The following ZNF385D variants were observed in gnomAD, a reference collection of about 807,000 sequenced individuals.
ZNF385D encodes zinc finger protein 385D.
Under a neutral mutation model 35.8 loss-of-function variants are expected in ZNF385D, and 15 were observed. That is an observed-to-expected ratio of 0.42 (90% CI 0.28 to 0.64). The LOEUF (loss-of-function observed/expected upper bound fraction) is 0.64. Ranked by LOEUF, ZNF385D falls within the 30% of genes least tolerant of loss-of-function variation. The pLI, the probability that ZNF385D is intolerant of heterozygous loss-of-function variation, is 0.23. For missense variants in ZNF385D, 474 were observed against 494.6 expected (o/e 0.96, Z 0.39); for synonymous variants, 212 against 186.8 (o/e 1.13, Z -1.10).
At chr3:22,351,011 C>T (rs556237685) in intron 2 of ZNF385D, among the ~76,000 whole-genome samples, 1 of 152,124 alleles carries the variant, frequency 6.6e-6, no homozygotes, top group African/African-American at 2.4e-5. Flanking sequence ...TCAATAGACC[C>T]GCTTCCCCTG....
intron 2 of ZNF385D, among the ~76,000 whole-genome samples, chr3:21,628,963 G>A (rs2065207386): frequency 6.6e-6 from 1 of 151,978 alleles, no homozygotes; most frequent in East Asian, 1.9e-4. Flanking sequence ...TTTTGCCTGG[G>A]AAATGACTAT....
At chr3:22,080,630 C>T (rs894563899) in intron 3 of ZNF385D, among the ~76,000 whole-genome samples, 8 of 151,462 alleles carry the variant, frequency 5.3e-5, no homozygotes, top group African/African-American at 1.5e-4. Context: ...TTTCCGTATC[C>T]ATTTTATATA....
chr3:21,467,703 C>T (rs968518951), intron 4 of ZNF385D, among the ~76,000 whole-genome samples: 21 of 152,232 alleles, frequency 1.4e-4, no homozygotes, highest in African/African-American at 3.6e-4. Flanking sequence ...TGACCATGTG[C>T]GGTTCATTTG....
At chr3:22,116,988 ATTAGGAAAATAGC>A (rs1312378336) in intron 3 of ZNF385D, among the ~76,000 whole-genome samples, 2 of 152,008 alleles carry the variant, frequency 1.3e-5, no homozygotes, top group Non-Finnish European at 2.9e-5. Context: ...CTTTCAACAA[ATTAGGAAAATAGC>A]TTAGGAAAGT....
At chr3:21,654,937 G>A (rs2066029006) in intron 2 of ZNF385D, among the ~76,000 whole-genome samples, 1 of 152,006 alleles carries the variant, frequency 6.6e-6, no homozygotes, top group Admixed American at 6.6e-5. Context: ...TACGTTGGTG[G>A]GAGGGAGATG....
At chr3:22,340,890 GA>G (rs2125477954) in intron 2 of ZNF385D, among the ~76,000 whole-genome samples, 1 of 152,290 alleles carries the variant, frequency 6.6e-6, no homozygotes, top group South Asian at 2.1e-4. Flanking sequence ...TATCACAAGG[GA>G]ATTCTTTGCT....
chr3:22,163,340 G>A (rs140455037), intron 3 of ZNF385D, among the ~76,000 whole-genome samples: 73 of 152,158 alleles, frequency 4.8e-4, no homozygotes, highest in African/African-American at 1.5e-3. Flanking sequence ...AACGTACATC[G>A]CCGTCAGAAA....
chr3:21,719,488 A>C (rs1396265614), intron 1 of ZNF385D, among the ~76,000 whole-genome samples: 1 of 152,218 alleles, frequency 6.6e-6, no homozygotes, highest in Non-Finnish European at 1.5e-5. Context: ...TGGAGAGAGC[A>C]CGCGCACTTT....
chr3:21,461,824 T>A (rs1057332604), intron 4 of ZNF385D, among the ~76,000 whole-genome samples: 1 of 152,216 alleles, frequency 6.6e-6, no homozygotes, highest in Admixed American at 6.5e-5. Flanking sequence ...GCTTATTGGA[T>A]GGCTACAAAT....
intron 2 of ZNF385D, among the ~76,000 whole-genome samples, chr3:22,276,487 C>A (rs1186429093): frequency 6.6e-6 from 1 of 152,080 alleles, no homozygotes; most frequent in Admixed American, 6.6e-5. Flanking sequence ...AACTCTTTAG[C>A]CATAGAAGCT....
intron 3 of ZNF385D, chr3:21,562,240 T>C (rs1483895701): frequency 6.6e-6 from 1 of 152,222 alleles, no homozygotes; most frequent in Non-Finnish European, 1.5e-5. Context: ...TTGAAAAGTA[T>C]GTTCATATTC....
chr3:22,300,508 A>C (rs528905963), intron 2 of ZNF385D, among the ~76,000 whole-genome samples: 1 of 152,112 alleles, frequency 6.6e-6, no homozygotes, highest in South Asian at 2.1e-4. Context: ...GACAACCTAT[A>C]GATGACCACA....
chr3:22,295,270 T>C (rs1238066351), intron 2 of ZNF385D, among the ~76,000 whole-genome samples: 1 of 152,142 alleles, frequency 6.6e-6, no homozygotes, highest in Non-Finnish European at 1.5e-5. Flanking sequence ...TAGGACATAA[T>C]TTTTGCACAA....
At chr3:21,482,695 A>T (rs1014944318) in intron 4 of ZNF385D, among the ~76,000 whole-genome samples, 1 of 152,144 alleles carries the variant, frequency 6.6e-6, no homozygotes, top group Admixed American at 6.6e-5. Context: ...AGGTCAACCA[A>T]CTCAAATGTA....
At chr3:21,489,727 C>T (rs940958012) in intron 4 of ZNF385D, among the ~76,000 whole-genome samples, 1 of 152,122 alleles carries the variant, frequency 6.6e-6, no homozygotes, top group African/African-American at 2.4e-5. Flanking sequence ...TCTGCCCCAT[C>T]CTGTGCTACA....
chr3:21,613,228 C>A (rs895018215), intron 2 of ZNF385D, among the ~76,000 whole-genome samples: 1 of 151,962 alleles, frequency 6.6e-6, no homozygotes, highest in Middle Eastern at 3.4e-3. Context: ...TCATTAAAGT[C>A]AAGCTGAATG....
intron 3 of ZNF385D, among the ~76,000 whole-genome samples, chr3:21,541,995 G>C (rs1437247863): frequency 6.6e-6 from 1 of 152,116 alleles, no homozygotes; most frequent in Non-Finnish European, 1.5e-5. Flanking sequence ...CATCAGCGCT[G>C]GTGCACTCTG....
intron 3 of ZNF385D, among the ~76,000 whole-genome samples, chr3:21,839,842 T>G (rs1317015855): frequency 6.6e-6 from 1 of 152,026 alleles, no homozygotes; most frequent in Non-Finnish European, 1.5e-5. Flanking sequence ...TGGCCAGAAC[T>G]GATCTCCAGG....
intron 3 of ZNF385D, among the ~76,000 whole-genome samples, chr3:22,089,227 T>G (rs1701197699): frequency 6.6e-6 from 1 of 152,188 alleles, no homozygotes; most frequent in African/African-American, 2.4e-5. Context: ...CTCTCCTACT[T>G]TCTTCACATT....
Sources: gnomAD v4.1 joint callset for allele counts (sites outside exome capture counted in the v4.1 genomes callset) on GRCh38, gnomAD v4.1.1 for gene constraint, MANE v1.5 for transcripts, NCBI Gene and HGNC (gene_info 2026-07-23, HGNC 2026-07-21) for gene names.